Variants in DISP3 observed in about 807,000 individuals in gnomAD.
The protein encoded by DISP3 is dispatched RND transporter family member 3.
A neutral mutation model predicts 135.3 loss-of-function variants in DISP3; 101 were observed. The observed-to-expected ratio is 0.75, with a 90% CI of 0.64 to 0.88. The LOEUF is 0.88. Among genes scored for constraint, DISP3 ranks in the 40% least tolerant of loss-of-function variants. The pLI, the probability that DISP3 is intolerant of heterozygous loss-of-function variation, is 0.00. For synonymous variants in DISP3, 856 were observed against 817.0 expected (o/e 1.05, Z -0.81); for missense variants, 1,713 against 1,878.6 (o/e 0.91, Z 1.63).
Position 11,534,970 on chromosome 1 carries a change from G to A in DISP3, c.3536-41G>A, listed in dbSNP as rs559779339. The A allele has an allele frequency of 9.9e-6, 15 of 1,517,766 alleles. No homozygotes were observed. In the African/African-American group the frequency reaches 1.4e-4, roughly 14 times the overall value. 94.0% of individuals were successfully genotyped at this position (1,517,766 alleles called of 1,614,324 possible). On this transcript the variant is annotated intron_variant, in intron 18 of 20. Transcript: ENST00000294484. ...CCCAGCAGCACAGCTTGCTGCGACCGCCCACACAGCAGCGCACTGAGGCCC... is the reference window on the plus strand; with the variant it reads ...CCCAGCAGCACAGCTTGCTGCGACCACCCACACAGCAGCGCACTGAGGCCC...
At chr1:11,504,873 A>G (rs1641653497) in intron 3 of DISP3, among the ~76,000 whole-genome samples, 1 of 152,240 alleles carries the variant, frequency 6.6e-6, no homozygotes, top group South Asian at 2.1e-4. Flanking sequence ...AGCAACATAA[A>G]TCAGACTGAG....
intron 1 of DISP3, among the ~76,000 whole-genome samples, chr1:11,485,940 C>G (rs1216357388): frequency 6.6e-6 from 1 of 152,146 alleles, no homozygotes; most frequent in African/African-American, 2.4e-5. Flanking sequence ...TGATTTGGGC[C>G]TTTGAGGATG....
chr1:11,523,961 C>G lies in DISP3; in HGVS notation c.2382C>G (p.Pro794=), dbSNP rs1402322372. 1 of 1,612,902 alleles carries G rather than the reference C, an allele frequency of 6.2e-7. No homozygotes were observed. Among genetic ancestry groups the G allele is most frequent in the Non-Finnish European group, 8.5e-7 (1 of 1,179,652 alleles). ...ITCSGLFQEK[P]HSLQNNIRTS... ...GGGCAGGTCTGTTCCAGGAGAAGCC[C>G]CACAGCCTGCAGAACAACATCCGGA... The change falls in exon 11 of 21, where the codon CCC becomes CCG. Residue 794 remains proline, a synonymous_variant. Transcript: ENST00000294484.
Position 11,520,732 on chromosome 1 carries a change from G to A in DISP3, c.2246G>A (p.Arg749Gln), listed in dbSNP as rs768453877. Residue 749 changes from arginine to glutamine, a missense_variant, in exon 10 of 21, where the codon CGG (arginine) becomes CAG (glutamine). Physicochemically the swap from Arg to Gln is conservative, Grantham distance 43. Around this residue, in one of 2 missense-constraint regions of DISP3, gnomAD observed 1,142 missense variants for 1,384.6 expected, o/e 0.82. Coordinates refer to ENST00000294484, the MANE Select transcript of DISP3 (RefSeq NM_020780.2). The surrounding 1 kb of genome is among the most constrained non-coding windows in gnomAD (Gnocchi z 4.8). ...ILILSLVFAS[R>Q]LRPASRAPLL... is the part of the protein sequence containing the mutation. ...ATCTTGTCCCTGGTGTTCGCCAGCC[G>A]GCTCCGCCCCGCCAGCCGGGCCCCG... The A allele has an allele frequency of 9.9e-6, 16 of 1,613,176 alleles. No homozygotes were observed. The highest frequency in any genetic ancestry group is 9.9e-5 in the South Asian group (9 of 91,056).
chr1:11,485,748 G>A (rs1193877122), intron 1 of DISP3, among the ~76,000 whole-genome samples: 1 of 152,170 alleles, frequency 6.6e-6, no homozygotes, highest in African/African-American at 2.4e-5. Flanking sequence ...GAACTTTACA[G>A]ATATGATCTC....
chr1:11,510,779 G>C (rs980403171), intron 3 of DISP3, among the ~76,000 whole-genome samples: 6 of 151,930 alleles, frequency 3.9e-5, no homozygotes, highest in African/African-American at 1.5e-4. Context: ...GACCAGCCTG[G>C]GCAACATAAT....
In DISP3 at chr1:11,483,683, C is replaced by T. The variant is rs1300282035; in HGVS notation, c.-4+4311C>T. On this transcript the variant is annotated intron_variant, in intron 1 of 20. Coordinates refer to ENST00000294484, the MANE Select transcript of DISP3 (RefSeq NM_020780.2). The surrounding 1 kb of genome is among the most constrained non-coding windows in gnomAD (Gnocchi z 5.4). ...TGCCAGACAGGCCAGAAGTGAAGGGCGGTACCCTCACCTGCGTTCATCAGT... is the reference window on the plus strand; with the variant it reads ...TGCCAGACAGGCCAGAAGTGAAGGGTGGTACCCTCACCTGCGTTCATCAGT... Among the ~76,000 whole-genome samples, 3 of 152,210 alleles carry T rather than the reference C, an allele frequency of 2.0e-5. No homozygotes were observed. The highest frequency in any genetic ancestry group is 4.4e-5 in the Non-Finnish European group (3 of 68,040).
Position 11,536,393 on chromosome 1 carries a change from A to G in DISP3, c.3886A>G (p.Ser1296Gly), listed in dbSNP as rs1355068510. Residue 1296 changes from serine (S) to glycine (G), a missense_variant, in exon 21 of 21, where the codon AGT becomes GGT. Ser to Gly is a moderately conservative substitution (Grantham distance 56). This residue lies in a region of DISP3 where 1,142 missense variants were observed against 1,384.6 expected (regional missense o/e 0.82). Transcript: ENST00000294484. The surrounding 1 kb of genome is among the most constrained non-coding windows in gnomAD (Gnocchi z 4.3). ...GCACGTGGGCGTGGCCATCGTCTCC[A>G]GTGCCCTCACCACGGTCATCGCCAC... ...VRHVGVAIVS[S>G]ALTTVIATVP... 6.2e-7 allele frequency: 1 copy of G among 1,611,608 alleles called. No individual in the cohort carries two copies. Among genetic ancestry groups the G allele is most frequent in the Admixed American group, 1.7e-5 (1 of 60,020 alleles).
At chr1:11,485,782 C>T (rs374990679) in intron 1 of DISP3, among the ~76,000 whole-genome samples, 7 of 152,156 alleles carry the variant, frequency 4.6e-5, no homozygotes, top group African/African-American at 1.7e-4. Context: ...ACCTGCTCAG[C>T]AAGGGGGATA....
intron 1 of DISP3, among the ~76,000 whole-genome samples, chr1:11,494,537 C>T (rs576112068): frequency 4.6e-5 from 7 of 152,226 alleles, no homozygotes; most frequent in South Asian, 2.1e-4. Context: ...AGTATCAGGA[C>T]GTAGGACAGT....
chr1:11,536,634 T>G lies in DISP3; in HGVS notation c.4127T>G (p.Val1376Gly). Residue 1376 changes from valine (V) to glycine (G), a missense_variant, in exon 21 of 21, where the codon GTG (valine) becomes GGG (glycine). By Grantham distance (109) the Val-to-Gly change is moderately radical (BLOSUM62 -3). Around this residue, in one of 2 missense-constraint regions of DISP3, gnomAD observed 1,142 missense variants for 1,384.6 expected, o/e 0.82. Transcript: ENST00000294484. The surrounding 1 kb of genome is among the most constrained non-coding windows in gnomAD (Gnocchi z 4.3). ...AGALGLGACLVLLQSGYKIPL... is the reference protein window; with the variant it reads ...AGALGLGACLGLLQSGYKIPL... Reference sequence around the variant, plus strand: ...GCCCTGGGGCTGGGTGCCTGCCTCGTGCTCCTGCAGAGCGGCTATAAGATT... The same window carrying G: ...GCCCTGGGGCTGGGTGCCTGCCTCGGGCTCCTGCAGAGCGGCTATAAGATT... 1 of 1,604,324 alleles carries G rather than the reference T, an allele frequency of 6.2e-7. No individual in the cohort carries two copies. Among genetic ancestry groups the G allele is most frequent in the South Asian group, 1.1e-5 (1 of 89,972 alleles).
At chr1:11,528,623 C>T (rs1487339141) in intron 13 of DISP3, among the ~76,000 whole-genome samples, 1 of 152,186 alleles carries the variant, frequency 6.6e-6, no homozygotes, top group Non-Finnish European at 1.5e-5. Context: ...TTGTGGAGAA[C>T]AGTGGTACAA....
rs763400782 is a variant in DISP3, at chr1:11,534,993, C to A, written c.3536-18C>A. 1 of 1,557,158 alleles carries A rather than the reference C, an allele frequency of 6.4e-7. No individual in the cohort carries two copies. ...CCGCCCACACAGCAGCGCACTGAGG[C>A]CCTGTCCTCCCTTGCAGGGGTGCAG... On this transcript the variant is annotated intron_variant, in intron 18 of 20. Transcript: ENST00000294484.
chr1:11,480,536 C>A (rs529758494), intron 1 of DISP3, among the ~76,000 whole-genome samples: 15 of 152,276 alleles, frequency 9.9e-5, no homozygotes, highest in Admixed American at 9.8e-4. Context: ...CCGCTCTGCA[C>A]TCGAGGTTGC....
chr1:11,504,221 A>G (rs1010955027), intron 3 of DISP3, among the ~76,000 whole-genome samples: 9 of 152,332 alleles, frequency 5.9e-5, no homozygotes, highest in East Asian at 1.9e-4. Flanking sequence ...CACCAACCCA[A>G]TGAGGTGAGT....
At position 11,501,494 on chromosome 1, in the gene DISP3, GCCTC is replaced by G. The variant is rs769464993; in HGVS notation, c.505_508del (p.Ser169GlufsTer57). 6.2e-7 allele frequency: 1 copy of G among 1,606,554 alleles called. No individual in the cohort carries two copies. Among genetic ancestry groups the G allele is most frequent in the African/African-American group, 1.3e-5 (1 of 74,880 alleles). On this transcript the variant is annotated frameshift_variant, in exon 2 of 21. Coordinates refer to ENST00000294484, the MANE Select transcript of DISP3 (RefSeq NM_020780.2). LOFTEE classifies it high-confidence loss of function. The surrounding 1 kb of genome is among the most constrained non-coding windows in gnomAD (Gnocchi z 4.9). ...GCATCTCGGCAACCGCTCGCGGCAA[GCCTC>G]CCGAGCCCCCCGCGTCATCCCCGCG... is the stretch of plus-strand genomic sequence containing the variant.
chr1:11,519,873 G>A lies in DISP3; in HGVS notation c.2193G>A (p.Val731=). ...GGTCAGCCGTCAAGAGCCGCTGGGT[G>A]ATTGTGGGTAAGTGGGCCCTCCGGC... ...VLWSAVKSRW[V]IVGLFVSILI... is the part of the protein sequence containing the mutation. The change falls in exon 9 of 21, where the codon GTG becomes GTA. Residue 731 remains valine, a synonymous_variant. Transcript: ENST00000294484. This position sits in a 1 kb window ranked among gnomAD's most constrained non-coding sequence, Gnocchi z 4.3. 1.2e-6 allele frequency: 2 copies of A among 1,607,122 alleles called. No individual in the cohort carries two copies. The highest frequency in any genetic ancestry group is 1.7e-6 in the Non-Finnish European group (2 of 1,177,098).
At position 11,520,853 on chromosome 1, in the gene DISP3, G is replaced by A; in HGVS notation, c.2362+5G>A. 1.3e-6 allele frequency: 2 copies of A among 1,592,924 alleles called. No individual in the cohort carries two copies. Among genetic ancestry groups the A allele is most frequent in the South Asian group, 1.1e-5 (1 of 88,644 alleles). ...TCTCCTGCATCACCTGTTCAGGTGA[G>A]GCTTCTAGCCAGGCTGTCCCTGGCC... On this transcript the variant is annotated splice_donor_5th_base_variant and intron_variant, in intron 10 of 20. Transcript: ENST00000294484. The surrounding 1 kb of genome is among the most constrained non-coding windows in gnomAD (Gnocchi z 4.8).
Position 11,519,216 on chromosome 1 carries a change from G to C in DISP3, c.1890-139G>C. The C allele has an allele frequency of 9.4e-7, 1 of 1,062,538 alleles. No individual in the cohort carries two copies. The highest frequency in any genetic ancestry group is 1.4e-6 in the Non-Finnish European group (1 of 737,420). The allele number at this position is 1,062,538 out of a possible 1,614,324, so 65.8% of individuals were successfully genotyped here. ...AAAGAAACCAGGTGACCAGCTCCCA[G>C]AAGTCTGGGGTGCTCATCCTGTGTG... On this transcript the variant is annotated intron_variant, in intron 7 of 20. Coordinates refer to ENST00000294484, the MANE Select transcript of DISP3 (RefSeq NM_020780.2). The surrounding 1 kb of genome is among the most constrained non-coding windows in gnomAD (Gnocchi z 4.3).
Sources: allele counts gnomAD v4.1 joint callset (sites outside exome capture counted in the v4.1 genomes callset), GRCh38; gene constraint gnomAD v4.1.1; regional missense constraint gnomAD v4.1.1; non-coding constraint Gnocchi (gnomAD v3.1); transcripts MANE v1.5; gene names NCBI Gene and HGNC (gene_info 2026-07-23, HGNC 2026-07-21).